ANO2: variants seen among roughly 807,000 people sequenced by gnomAD.
ANO2 encodes the protein anoctamin-2.
In ANO2, 101 loss-of-function variants were observed where a neutral mutation model predicts 124.2. The observed-to-expected ratio is 0.81, with a 90% CI of 0.69 to 0.96. ANO2 has a LOEUF of 0.96. Among genes scored for constraint, ANO2 ranks in the 40% least tolerant of loss-of-function variants. The probability of loss-of-function intolerance (pLI) is 0.00; values close to 1 mark genes in which losing one functional copy is unlikely to be tolerated. For missense variants in ANO2, 1,293 were observed against 1,274.5 expected (o/e 1.01, Z -0.22); for synonymous variants, 486 against 482.5 (o/e 1.01, Z -0.09).
At chr12:5,872,142 T>C (rs574976330) in intron 3 of ANO2, among the ~76,000 whole-genome samples, 2 of 152,244 alleles carry the variant, frequency 1.3e-5, no homozygotes, top group African/African-American at 4.8e-5. Context: ...TTGTCCTTTT[T>C]CCCTCTCGTG....
chr12:5,896,002 G>A (rs1388672420), intron 3 of ANO2, among the ~76,000 whole-genome samples: 1 of 152,092 alleles, frequency 6.6e-6, no homozygotes, highest in African/African-American at 2.4e-5. Flanking sequence ...TGGAGCTGGA[G>A]GCCATTATTC....
upstream of ANO2, chr12:5,945,288 T>C (rs1480355390): frequency 8.1e-7 from 1 of 1,233,292 alleles, no homozygotes. Flanking sequence ...GCGGGGCTAA[T>C]TCCATCGCGG....
At position 5,856,709 on chromosome 12, in the gene ANO2, G is replaced by A. The variant is rs535912316; in HGVS notation, c.535-2568C>T. On this transcript the variant is annotated intron_variant, in intron 3 of 24. Transcript: ENST00000682330. ...GAAACAGCAAAGTGTCAAGAGAGAAGCTGGCTCTGGCTCTAGAGAGTGTCA... is the reference window on the plus strand; with the variant it reads ...GAAACAGCAAAGTGTCAAGAGAGAAACTGGCTCTGGCTCTAGAGAGTGTCA... 2.0e-5 allele frequency: 3 copies of A among 152,318 alleles called. No homozygotes were observed. In the South Asian group the frequency reaches 6.2e-4, roughly 32 times the overall value. The allele number at this position is 152,318 out of a possible 1,614,324, so 9.4% of individuals were successfully genotyped here. A position where few individuals can be genotyped will look rare whatever the true frequency, so the allele number is the denominator to read the frequency against.
intron 15 of ANO2, among the ~76,000 whole-genome samples, chr12:5,647,065 A>G (rs1183684932): frequency 6.6e-6 from 1 of 152,234 alleles, no homozygotes; most frequent in Non-Finnish European, 1.5e-5. Context: ...TACTGTAAGG[A>G]AGATTTCCAT....
At chr12:5,873,278 C>A (rs1012861477) in intron 3 of ANO2, among the ~76,000 whole-genome samples, 3 of 143,684 alleles carry the variant, frequency 2.1e-5, no homozygotes, top group East Asian at 4.3e-4. Context: ...TCTTTCTCTG[C>A]ACCTGGTGTC....
intron 7 of ANO2, among the ~76,000 whole-genome samples, chr12:5,820,433 A>G (rs1286868932): frequency 6.6e-6 from 1 of 152,202 alleles, no homozygotes; most frequent in East Asian, 1.9e-4. Context: ...GTTTCAGGTC[A>G]GGTCTGACTT....
At chr12:5,738,031 G>C (rs376014706) in intron 13 of ANO2, among the ~76,000 whole-genome samples, 1 of 152,208 alleles carries the variant, frequency 6.6e-6, no homozygotes, top group Non-Finnish European at 1.5e-5. Flanking sequence ...GGATGGGGAT[G>C]CAATTAAGTG....
chr12:5,591,567 AG>A (rs951936279), intron 20 of ANO2, among the ~76,000 whole-genome samples: 5 of 152,322 alleles, frequency 3.3e-5, no homozygotes, highest in African/African-American at 1.2e-4. Context: ...AGGGAAATTC[AG>A]CCTGTGTGTT....
chr12:5,795,931 G>A (rs1952830999), intron 10 of ANO2, among the ~76,000 whole-genome samples: 1 of 152,100 alleles, frequency 6.6e-6, no homozygotes, highest in African/African-American at 2.4e-5. Context: ...CCCTCTTCCA[G>A]CTCCCTAAAG....
intron 5 of ANO2, 79 bp downstream of exon 5, chr12:5,832,373 A>G: frequency 1.3e-6 from 2 of 1,547,186 alleles, no homozygotes; most frequent in African/African-American, 1.4e-5. Flanking sequence ...TGGGAGCCCC[A>G]GGGCTGAGTC....
At chr12:5,595,152 A>T (rs1943595877) in intron 20 of ANO2, among the ~76,000 whole-genome samples, 1 of 152,148 alleles carries the variant, frequency 6.6e-6, no homozygotes, top group Non-Finnish European at 1.5e-5. Context: ...GCATGCATTC[A>T]TTCATTCCCT....
intron 20 of ANO2, among the ~76,000 whole-genome samples, chr12:5,595,137 C>T (rs372002846): frequency 3.3e-5 from 5 of 152,166 alleles, no homozygotes; most frequent in African/African-American, 9.7e-5. Flanking sequence ...CATTAATTAG[C>T]GCATGCATGC....
chr12:5,875,570 C>A (rs956621999), intron 3 of ANO2, among the ~76,000 whole-genome samples: 1 of 152,260 alleles, frequency 6.6e-6, no homozygotes, highest in African/African-American at 2.4e-5. Flanking sequence ...AGCTTCCAGG[C>A]TCTTTAACCT....
chr12:5,899,108 CAACACCTTGGCCATGCATAGTA>C (rs1939999842), intron 3 of ANO2, among the ~76,000 whole-genome samples: 1 of 152,136 alleles, frequency 6.6e-6, no homozygotes. Flanking sequence ...CGGAGTCCGC[CAACACCTTGGCCATGCATAGTA>C]AGTGCACAGT....
chr12:5,580,668 G>A (rs938879913), intron 20 of ANO2, among the ~76,000 whole-genome samples: 2 of 152,318 alleles, frequency 1.3e-5, no homozygotes, highest in East Asian at 1.9e-4. Context: ...AAAAAATTCT[G>A]TTTCTACAGA....
chr12:5,759,331 A>G (rs1346158831), intron 10 of ANO2, among the ~76,000 whole-genome samples: 1 of 152,172 alleles, frequency 6.6e-6, no homozygotes, highest in Non-Finnish European at 1.5e-5. Flanking sequence ...ATCAGATACA[A>G]CAGAAGATCA....
chr12:5,635,382 C>T lies in ANO2; in HGVS notation c.1621-35G>A, dbSNP rs1372409348. 3.4e-6 allele frequency: 5 copies of T among 1,452,774 alleles called. No individual in the cohort carries two copies. Among genetic ancestry groups the T allele is most frequent in the Admixed American group, 2.5e-5 (1 of 39,546 alleles). The allele number at this position is 1,452,774 out of a possible 1,614,324, so 90.0% of individuals were successfully genotyped here. ...AAAACAGAGAGAAGTACACATCAGC[C>T]GGCAATTACCGAGCACCTACTATTT... is the stretch of plus-strand genomic sequence containing the variant. On this transcript the variant is annotated intron_variant, in intron 15 of 24. Coordinates refer to ENST00000682330, the MANE Select transcript of ANO2 (RefSeq NM_001364791.2). The surrounding 1 kb of genome is among the most constrained non-coding windows in gnomAD (Gnocchi z 5.2).
intron 14 of ANO2, among the ~76,000 whole-genome samples, chr12:5,694,282 A>G (rs1019284551): frequency 3.3e-5 from 5 of 151,740 alleles, no homozygotes; most frequent in African/African-American, 1.2e-4. Flanking sequence ...AGAGAGAGAG[A>G]GAATAAAACA....
intron 10 of ANO2, among the ~76,000 whole-genome samples, chr12:5,793,714 A>G (rs1347430068): frequency 6.6e-6 from 1 of 152,226 alleles, no homozygotes; most frequent in African/African-American, 2.4e-5. Context: ...AGTTTAAAAC[A>G]GGAGCCACCA....
Sources: allele counts gnomAD v4.1 joint callset (sites outside exome capture counted in the v4.1 genomes callset), GRCh38; gene constraint gnomAD v4.1.1; non-coding constraint Gnocchi (gnomAD v3.1); transcripts MANE v1.5; gene names NCBI Gene and HGNC (gene_info 2026-07-23, HGNC 2026-07-21).